MCMDC2: variants seen among roughly 807,000 people sequenced by gnomAD.
The protein encoded by MCMDC2 is minichromosome maintenance domain containing 2.
MCMDC2 carries 54 observed loss-of-function variants against 75.8 expected under a neutral mutation model. That is an observed-to-expected ratio of 0.71 (90% CI 0.57 to 0.89). MCMDC2 has a LOEUF of 0.89. Among genes scored for constraint, MCMDC2 ranks in the 40% least tolerant of loss-of-function variants. The probability of loss-of-function intolerance (pLI) is 0.00; values close to 1 mark genes in which losing one functional copy is unlikely to be tolerated. For synonymous variants in MCMDC2, 249 were observed against 274.6 expected, an observed-to-expected ratio of 0.91 and a Z score of 0.92; for missense variants, 656 against 780.4, an observed-to-expected ratio of 0.84 and a Z score of 1.90.
Position 66,878,972 on chromosome 8 carries a change from C to T in MCMDC2, c.709+53C>T, listed in dbSNP as rs773560308. ...AAAATTGCTATAAATATGTAATTGG[C>T]TGGGCACAGTGGCTGGCTCATGCCT... is the stretch of plus-strand genomic sequence containing the variant. On this transcript the variant is annotated intron_variant, in intron 7 of 14. Coordinates refer to ENST00000422365, the MANE Select transcript of MCMDC2 (RefSeq NM_173518.5). 4.4e-6 allele frequency: 5 copies of T among 1,131,086 alleles called. No homozygotes were observed. The South Asian group carries it at 5.2e-5, about 12-fold the overall frequency. The allele number at this position is 1,131,086 out of a possible 1,614,324, so 70.1% of individuals were successfully genotyped here.
rs1811528351 is a variant in MCMDC2, at chr8:66,880,917, A to T, written c.778A>T (p.Thr260Ser). Reference protein sequence around the residue: ...KIIGIPTCVKTSQTAVCIEAN... With the variant: ...KIIGIPTCVKSSQTAVCIEAN... ...TATTGGAATTCCAACCTGTGTAAAA[A>T]CCTCACAAACTGCTGTCTGTATAGA... The change falls in exon 8 of 15, where the codon ACC (threonine) becomes TCC (serine). Residue 260 changes from threonine to serine, a missense_variant. Transcript: ENST00000422365. 1 of 1,572,272 alleles carries T rather than the reference A, an allele frequency of 6.4e-7. No homozygotes were observed. The highest frequency in any genetic ancestry group is 1.8e-5 in the Admixed American group (1 of 55,170).
intron 10 of MCMDC2, among the ~76,000 whole-genome samples, chr8:66,892,222 G>C (rs980714290): frequency 6.6e-6 from 1 of 152,202 alleles, no homozygotes; most frequent in Non-Finnish European, 1.5e-5. Flanking sequence ...CCTGAGGTCT[G>C]GGCCTCCAGA....
At chr8:66,885,469 C>A (rs1326303102) in intron 9 of MCMDC2, among the ~76,000 whole-genome samples, 1 of 151,938 alleles carries the variant, frequency 6.6e-6, no homozygotes, top group Non-Finnish European at 1.5e-5. Flanking sequence ...ACCTCCCATT[C>A]TTGATCATTG....
chr8:66,895,400 CTT>C (rs34840665), intron 10 of MCMDC2, among the ~76,000 whole-genome samples: 47 of 136,224 alleles, frequency 3.5e-4, no homozygotes, highest in Admixed American at 3.7e-4. Flanking sequence ...TTCTTTCTTT[CTT>C]TTTTTTTTTT....
intron 4 of MCMDC2, among the ~76,000 whole-genome samples, chr8:66,876,466 T>C (rs1232329922): frequency 6.6e-6 from 1 of 152,168 alleles, no homozygotes; most frequent in African/African-American, 2.4e-5. Flanking sequence ...AGTGAATCTT[T>C]GTCATTCCTT....
chr8:66,876,416 T>A (rs1454494618), intron 4 of MCMDC2, among the ~76,000 whole-genome samples: 1 of 152,198 alleles, frequency 6.6e-6, no homozygotes, highest in Non-Finnish European at 1.5e-5. Flanking sequence ...TTTTTAAATA[T>A]AAGGAACTCA....
In MCMDC2 at chr8:66,896,243, T is replaced by C. The variant is rs1812344644; in HGVS notation, c.1353T>C (p.Thr451=). The C allele has an allele frequency of 6.2e-7, 1 of 1,612,276 alleles. No individual in the cohort carries two copies. Among genetic ancestry groups the C allele is most frequent in the Non-Finnish European group, 8.5e-7 (1 of 1,179,732 alleles). ...GGGAGGATATTGATCAACAGATGAC[T>C]TTTCCAGTTCAGTGCAGTTTTTGGT... ...KFGEDIDQQM[T]FPVQCSFWSF... Residue 451 remains threonine, a synonymous_variant, in exon 11 of 15, where the codon ACT becomes ACC. Coordinates refer to ENST00000422365, the MANE Select transcript of MCMDC2 (RefSeq NM_173518.5).
intron 14 of MCMDC2, among the ~76,000 whole-genome samples, chr8:66,917,290 C>T (rs76992042): frequency 0.024 from 3,647 of 152,208 alleles, 163 homozygotes; most frequent in African/African-American, 0.083. Flanking sequence ...GGAAGGTGGG[C>T]ACTGCTTGGC....
intron 13 of MCMDC2, chr8:66,901,603 T>C (rs1585894990): frequency 8.8e-7 from 1 of 1,139,770 alleles, no homozygotes; most frequent in African/African-American, 1.6e-5. Flanking sequence ...CTGGGAAAAG[T>C]GCACTGATTT....
rs62513068 is a variant in MCMDC2, at chr8:66,920,535, C to G, written c.*1366C>G. 6.6e-6 allele frequency: 1 copy of G among 152,112 alleles called. No individual in the cohort carries two copies. The highest frequency in any genetic ancestry group is 6.6e-5 in the Admixed American group (1 of 15,254). The allele number at this position is 152,112 out of a possible 1,614,324, so 9.4% of individuals were successfully genotyped here. A position where few individuals can be genotyped will look rare whatever the true frequency, so the allele number is the denominator to read the frequency against. On this transcript the variant is annotated 3_prime_UTR_variant, in exon 15 of 15. Transcript: ENST00000422365. ...CACGACTGGCGACTGTAGTTTTCAA[C>G]AAAATACTTACATATTACAGTTCTA...
chr8:66,896,143 A>G lies in MCMDC2; in HGVS notation c.1280-27A>G, dbSNP rs202034688. 80 of 1,588,370 alleles carry G rather than the reference A, an allele frequency of 5.0e-5. 1 individual carries two copies. In the African/African-American group the frequency reaches 9.7e-4, roughly 19 times the overall value. The stretch of plus-strand genomic sequence containing the variant: ...ATTTAGACCAAAATGAACTTAAATA[A>G]CAAATGGATAATGTCTTCTGACTTA... On this transcript the variant is annotated intron_variant, in intron 10 of 14. Coordinates refer to ENST00000422365, the MANE Select transcript of MCMDC2 (RefSeq NM_173518.5).
At chr8:66,901,511 T>C (rs1200420342) in intron 13 of MCMDC2, 163 bp downstream of exon 13, 2 of 1,351,096 alleles carry the variant, frequency 1.5e-6, no homozygotes, top group Non-Finnish European at 1.9e-6. Flanking sequence ...ACAATTCCTT[T>C]TGTTATATCA....
At chr8:66,893,007 A>C (rs936119909) in intron 10 of MCMDC2, among the ~76,000 whole-genome samples, 5 of 152,052 alleles carry the variant, frequency 3.3e-5, no homozygotes, top group African/African-American at 1.2e-4. Context: ...TGTTCATGAG[A>C]GATATTGGTC....
intron 7 of MCMDC2, among the ~76,000 whole-genome samples, chr8:66,879,485 C>T (rs1323271396): frequency 1.3e-5 from 2 of 151,162 alleles, no homozygotes; most frequent in African/African-American, 4.9e-5. Flanking sequence ...CCCAGCTACT[C>T]GGGAGGCTGA....
Position 66,874,063 on chromosome 8 carries a change from CCTTT to C in MCMDC2, c.-75_-72del. On this transcript the variant is annotated 5_prime_UTR_variant, in exon 2 of 15. Coordinates refer to ENST00000422365, the MANE Select transcript of MCMDC2 (RefSeq NM_173518.5). ...TAATTTTATTTCTAGGTTTTCACAT[CCTTT>C]CTATGAGTTTCGCCATCTATAGCTT... is the stretch of plus-strand genomic sequence containing the variant. 1.1e-6 allele frequency: 1 copy of C among 888,952 alleles called. No individual in the cohort carries two copies. Among genetic ancestry groups the C allele is most frequent in the Non-Finnish European group, 1.7e-6 (1 of 602,078 alleles). The allele number at this position is 888,952 out of a possible 1,614,324, so 55.1% of individuals were successfully genotyped here.
chr8:66,901,980 G>A (rs1255471286), intron 13 of MCMDC2, among the ~76,000 whole-genome samples: 3 of 152,000 alleles, frequency 2.0e-5, no homozygotes, highest in African/African-American at 4.8e-5. Context: ...GCTCATGCCT[G>A]TAATCCCAGC....
chr8:66,889,761 A>C (rs927581491), intron 9 of MCMDC2, among the ~76,000 whole-genome samples: 1 of 152,056 alleles, frequency 6.6e-6, no homozygotes, highest in Non-Finnish European at 1.5e-5. Flanking sequence ...GCTCCATTGC[A>C]CTCCAGCCTA....
intron 14 of MCMDC2, among the ~76,000 whole-genome samples, chr8:66,916,740 G>A (rs1414725993): frequency 6.6e-6 from 1 of 151,668 alleles, no homozygotes; most frequent in Non-Finnish European, 1.5e-5. Context: ...ATTTGAGCAA[G>A]TGAACTGGAA....
intron 8 of MCMDC2, among the ~76,000 whole-genome samples, chr8:66,882,465 A>G (rs939112046): frequency 2.6e-5 from 4 of 152,070 alleles, no homozygotes; most frequent in Non-Finnish European, 5.9e-5. Flanking sequence ...TCCCGAGTTC[A>G]AGGGATTCTC....
Sources: allele counts gnomAD v4.1 joint callset (sites outside exome capture counted in the v4.1 genomes callset), GRCh38; gene constraint gnomAD v4.1.1; transcripts MANE v1.5; gene names NCBI Gene and HGNC (gene_info 2026-07-23, HGNC 2026-07-21).